CNTN1: variants seen among roughly 807,000 people sequenced by gnomAD.
CNTN1 encodes contactin 1.
A neutral mutation model predicts 126.4 loss-of-function variants in CNTN1; 38 were observed. The ratio of observed to expected loss-of-function variants is 0.30; its 90% CI spans 0.23 to 0.39. CNTN1 has a LOEUF of 0.39. Among genes scored for constraint, CNTN1 ranks in the 10% least tolerant of loss-of-function variants. The pLI, the probability that CNTN1 is intolerant of heterozygous loss-of-function variation, is 1.00. For synonymous variants in CNTN1, 413 were observed against 422.6 expected (o/e 0.98, Z 0.28); for missense variants, 1,009 against 1,248.4 (o/e 0.81, Z 2.89).
chr12:41,049,955 AG>A (rs1305340959), intron 23 of CNTN1, among the ~76,000 whole-genome samples: 2 of 152,190 alleles, frequency 1.3e-5, no homozygotes, highest in Non-Finnish European at 2.9e-5. Flanking sequence ...TGGAGTGCAG[AG>A]TAGCACAATC....
At chr12:40,923,135 A>G (rs1945511399) in intron 5 of CNTN1, among the ~76,000 whole-genome samples, 2 of 152,044 alleles carry the variant, frequency 1.3e-5, no homozygotes, top group Non-Finnish European at 2.9e-5. Flanking sequence ...ATATGACAAT[A>G]TTGTATTCCC....
chr12:41,029,308 C>A, intron 23 of CNTN1, 89 bp downstream of exon 23: 3 of 1,382,024 alleles, frequency 2.2e-6, no homozygotes, highest in African/African-American at 1.4e-5. Context: ...AAGCCTGATA[C>A]ACCAGTGTCC....
chr12:40,775,286 A>G (rs1041175651), intron 1 of CNTN1, among the ~76,000 whole-genome samples: 15 of 151,558 alleles, frequency 9.9e-5, no homozygotes, highest in African/African-American at 3.1e-4. Flanking sequence ...GTTTTTAAAT[A>G]TAATGCATGT....
Position 41,070,061 on chromosome 12 carries a change from A to G in CNTN1, c.*26A>G, listed in dbSNP as rs758731293. 1 of 1,605,392 alleles carries G rather than the reference A, an allele frequency of 6.2e-7. No homozygotes were observed. ...ATGTGTTGTGACAGCTGCTGTTCCC[A>G]TCCCAGCTCAGAAGACACCCTTCAA... is the stretch of plus-strand genomic sequence containing the variant. On this transcript the variant is annotated 3_prime_UTR_variant, in exon 24 of 24. Coordinates refer to ENST00000551295, the MANE Select transcript of CNTN1 (RefSeq NM_001843.4).
chr12:40,966,380 T>A (rs1235342371), intron 15 of CNTN1, among the ~76,000 whole-genome samples: 1 of 152,074 alleles, frequency 6.6e-6, no homozygotes, highest in Non-Finnish European at 1.5e-5. Context: ...ACCACAGCAA[T>A]GCATCCATTG....
At chr12:40,835,367 T>C (rs537271586) in intron 1 of CNTN1, among the ~76,000 whole-genome samples, 18 of 152,300 alleles carry the variant, frequency 1.2e-4, no homozygotes, top group Non-Finnish European at 1.5e-5. Context: ...AGGACTTGGC[T>C]TAATAGGACC....
rs1180015095 is a variant in CNTN1, at chr12:41,070,269, GC to G, written c.*236del. ...AATGATTTTTAACTCGTTCCAATATGCCTTATAAACCACTTAACCTGATTCT... is the reference window on the plus strand; with the variant it reads ...AATGATTTTTAACTCGTTCCAATATGCTTATAAACCACTTAACCTGATTCT... On this transcript the variant is annotated 3_prime_UTR_variant, in exon 24 of 24. Transcript: ENST00000551295. 1 of 559,386 alleles carries G rather than the reference GC, an allele frequency of 1.8e-6. No homozygotes were observed. Among genetic ancestry groups the G allele is most frequent in the Non-Finnish European group, 3.2e-6 (1 of 312,056 alleles). The allele number at this position is 559,386 out of a possible 1,614,324, so 34.7% of individuals were successfully genotyped here.
intron 14 of CNTN1, among the ~76,000 whole-genome samples, chr12:40,955,092 T>C (rs995695386): frequency 7.2e-5 from 11 of 152,018 alleles, no homozygotes; most frequent in Admixed American, 7.2e-4. Flanking sequence ...TAGTTAACTC[T>C]TGCCCGAAAT....
chr12:40,915,247 G>T (rs891051779), intron 3 of CNTN1, among the ~76,000 whole-genome samples: 1 of 151,994 alleles, frequency 6.6e-6, no homozygotes, highest in Admixed American at 6.6e-5. Flanking sequence ...ATTTGAAGGC[G>T]CCAAGCAGTA....
At chr12:40,821,477 G>A (rs118049019) in intron 1 of CNTN1, among the ~76,000 whole-genome samples, 4,830 of 152,242 alleles carry the variant, frequency 0.032, 110 homozygotes, top group Non-Finnish European at 0.052. Flanking sequence ...AAGACTTTAT[G>A]TTTTTCAATT....
rs1365083104 is a variant in CNTN1 at position 40,933,488 on chromosome 12, T to C, written c.731T>C (p.Ile244Thr). ...ERTTKPYPAD[I>T]VVQFKDVYAL... ...ACAACAAAACCATATCCTGCTGATATTGTAGTTCAGTTCAAGGATGTATAT... is the reference window on the plus strand; with the variant it reads ...ACAACAAAACCATATCCTGCTGATACTGTAGTTCAGTTCAAGGATGTATAT... Residue 244 changes from isoleucine (I) to threonine (T), a missense_variant, in exon 8 of 24, where the codon ATT (isoleucine) becomes ACT (threonine). Physicochemically the swap from Ile to Thr is moderately conservative, Grantham distance 89 (BLOSUM62 -1). Transcript: ENST00000551295. 5.6e-6 allele frequency: 9 copies of C among 1,611,010 alleles called. No homozygotes were observed. The highest frequency in any genetic ancestry group is 6.8e-6 in the Non-Finnish European group (8 of 1,177,554).
chr12:40,809,110 G>A (rs1281201211), intron 1 of CNTN1, among the ~76,000 whole-genome samples: 1 of 152,032 alleles, frequency 6.6e-6, no homozygotes, highest in African/African-American at 2.4e-5. Flanking sequence ...GAAATATTGT[G>A]TATTTCTATA....
rs1379418015 is a variant in CNTN1 at position 41,070,192 on chromosome 12, G to A, written c.*157G>A. The A allele has an allele frequency of 4.3e-6, 3 of 696,748 alleles. No homozygotes were observed. Among genetic ancestry groups the A allele is most frequent in the Non-Finnish European group, 7.7e-6 (3 of 390,534 alleles). The allele number at this position is 696,748 out of a possible 1,614,324, so 43.2% of individuals were successfully genotyped here. The stretch of plus-strand genomic sequence containing the variant: ...CTGATTTACAACACACATGATGACT[G>A]AGGCATTCGGGAACCCCTTCATCCA... On this transcript the variant is annotated 3_prime_UTR_variant, in exon 24 of 24. Transcript: ENST00000551295.
At chr12:40,706,542 T>G (rs1454721334) in intron 1 of CNTN1, among the ~76,000 whole-genome samples, 2 of 152,150 alleles carry the variant, frequency 1.3e-5, no homozygotes, top group Non-Finnish European at 2.9e-5. Context: ...TCTTTTCAAT[T>G]TTTATTTTGA....
chr12:40,912,223 AT>A (rs11329659), intron 3 of CNTN1, among the ~76,000 whole-genome samples: 73,205 of 151,634 alleles, frequency 0.48, 17,769 homozygotes, highest in African/African-American at 0.55. Flanking sequence ...TTTCTTCTTA[AT>A]TTTTTTTTAG....
intron 1 of CNTN1, among the ~76,000 whole-genome samples, chr12:40,734,135 A>G (rs546089296): frequency 2.6e-5 from 4 of 152,226 alleles, no homozygotes; most frequent in African/African-American, 9.6e-5. Flanking sequence ...CAAGCTAATC[A>G]TCCTCTGGCT....
chr12:41,068,812 A>G (rs1237052822), intron 23 of CNTN1, among the ~76,000 whole-genome samples: 1 of 152,194 alleles, frequency 6.6e-6, no homozygotes, highest in Non-Finnish European at 1.5e-5. Flanking sequence ...GTCTTCACTC[A>G]TTCTAGCAGC....
intron 1 of CNTN1, among the ~76,000 whole-genome samples, chr12:40,856,403 A>G (rs1942908211): frequency 6.6e-6 from 1 of 152,134 alleles, no homozygotes; most frequent in Non-Finnish European, 1.5e-5. Context: ...AGTGGGCTAC[A>G]TTTTAAATAT....
chr12:40,704,321 A>C (rs1941678638), intron 1 of CNTN1, among the ~76,000 whole-genome samples: 2 of 152,316 alleles, frequency 1.3e-5, no homozygotes, highest in East Asian at 1.9e-4. Context: ...TAAGAAAAGA[A>C]ATTTTGAAAA....
Sources: allele counts gnomAD v4.1 joint callset (sites outside exome capture counted in the v4.1 genomes callset), GRCh38; gene constraint gnomAD v4.1.1; transcripts MANE v1.5; gene names NCBI Gene and HGNC (gene_info 2026-07-23, HGNC 2026-07-21).